The following CSMD1 variants were observed in gnomAD, a reference collection of about 807,000 sequenced individuals.
CSMD1 encodes CUB and sushi domain-containing protein 1.
In CSMD1, 213 loss-of-function variants were observed where a neutral mutation model predicts 417.5. That is an observed-to-expected ratio of 0.51 (90% CI 0.46 to 0.57). CSMD1 has a LOEUF of 0.57. CSMD1 is among the 20% of genes least tolerant of loss of function. CSMD1 has a pLI of 0.00. For synonymous variants in CSMD1, 2,862 were observed against 1,736.8 expected (o/e 1.65, Z -16.11); for missense variants, 6,923 against 4,529.7 (o/e 1.53, Z -15.17).
chr8:3,837,203 A>T (rs1047324277), intron 5 of CSMD1, among the ~76,000 whole-genome samples: 4 of 152,146 alleles, frequency 2.6e-5, no homozygotes, highest in African/African-American at 9.7e-5. Flanking sequence ...CAAAGAAAAC[A>T]TTGGCCAATT....
chr8:3,260,018 A>C (rs373696953), intron 26 of CSMD1, among the ~76,000 whole-genome samples: 3 of 151,994 alleles, frequency 2.0e-5, no homozygotes, highest in Non-Finnish European at 4.4e-5. Context: ...CTACTCTCTG[A>C]CTCTTCAGGG....
At chr8:4,067,331 A>G (rs999953243) in intron 3 of CSMD1, among the ~76,000 whole-genome samples, 10 of 152,230 alleles carry the variant, frequency 6.6e-5, no homozygotes, top group African/African-American at 2.4e-4. Context: ...AACGTTTTCA[A>G]GTAAGGTATA....
chr8:4,068,920 T>C (rs569534167), intron 3 of CSMD1, among the ~76,000 whole-genome samples: 2 of 152,336 alleles, frequency 1.3e-5, no homozygotes, highest in African/African-American at 4.8e-5. Flanking sequence ...ATAATAATTA[T>C]AATTTTGTGG....
chr8:3,177,161 G>C (rs1258421604), intron 37 of CSMD1, among the ~76,000 whole-genome samples: 2 of 152,130 alleles, frequency 1.3e-5, no homozygotes, highest in Non-Finnish European at 2.9e-5. Context: ...ATGGGGAAAG[G>C]CGACCAGAAA....
intron 11 of CSMD1, among the ~76,000 whole-genome samples, chr8:3,476,549 G>A (rs1003219750): frequency 3.2e-4 from 49 of 152,130 alleles, no homozygotes; most frequent in African/African-American, 1.0e-3. Context: ...TGGCTTTTCC[G>A]CTTGCAATCT....
At chr8:3,192,596 G>A (rs1465275460) in intron 33 of CSMD1, among the ~76,000 whole-genome samples, 4 of 152,202 alleles carry the variant, frequency 2.6e-5, no homozygotes, top group Non-Finnish European at 4.4e-5. Flanking sequence ...AGAGAGGCAC[G>A]AGAAGCAGCA....
chr8:3,542,879 G>A (rs542658200), intron 10 of CSMD1, among the ~76,000 whole-genome samples: 5 of 152,268 alleles, frequency 3.3e-5, no homozygotes, highest in East Asian at 1.9e-4. Flanking sequence ...CCTCAGCTAC[G>A]GTGCAAGTGG....
chr8:3,716,722 C>T (rs1801862491), intron 6 of CSMD1, among the ~76,000 whole-genome samples: 1 of 152,134 alleles, frequency 6.6e-6, no homozygotes, highest in Non-Finnish European at 1.5e-5. Context: ...TTACTTTCTC[C>T]AGCCCCTATT....
intron 1 of CSMD1, among the ~76,000 whole-genome samples, chr8:4,958,159 A>G (rs1433376303): frequency 6.6e-6 from 1 of 152,148 alleles, no homozygotes; most frequent in Non-Finnish European, 1.5e-5. Context: ...CTCAAACAAA[A>G]TGTTGTTTCG....
At chr8:4,370,961 C>A (rs114211515) in intron 3 of CSMD1, among the ~76,000 whole-genome samples, 3 of 152,148 alleles carry the variant, frequency 2.0e-5, no homozygotes, top group Non-Finnish European at 4.4e-5. Context: ...CCATTGCTGG[C>A]GAGCTAGTGT....
At chr8:4,669,428 T>C (rs1805153990) in intron 1 of CSMD1, among the ~76,000 whole-genome samples, 1 of 152,226 alleles carries the variant, frequency 6.6e-6, no homozygotes, top group African/African-American at 2.4e-5. Flanking sequence ...GTTGTAGTTT[T>C]GTTTTTCTAG....
intron 8 of CSMD1, among the ~76,000 whole-genome samples, chr8:3,590,541 G>A (rs942409628): frequency 1.2e-4 from 19 of 152,096 alleles, no homozygotes; most frequent in Non-Finnish European, 2.2e-4. Context: ...AAATCTCTGC[G>A]CACATTCATA....
At chr8:3,558,834 G>A (rs1391404809) in intron 10 of CSMD1, among the ~76,000 whole-genome samples, 1 of 149,688 alleles carries the variant, frequency 6.7e-6, no homozygotes, top group Non-Finnish European at 1.5e-5. Context: ...CTCCTCCAAT[G>A]ATGAATGGTG....
intron 2 of CSMD1, among the ~76,000 whole-genome samples, chr8:4,542,422 A>T (rs1207513095): frequency 6.6e-6 from 1 of 152,226 alleles, no homozygotes; most frequent in East Asian, 1.9e-4. Flanking sequence ...CTCACTAGAC[A>T]CTGACGTTTT....
chr8:3,813,637 T>C (rs1380369272), intron 5 of CSMD1, among the ~76,000 whole-genome samples: 2 of 152,190 alleles, frequency 1.3e-5, no homozygotes, highest in African/African-American at 4.8e-5. Flanking sequence ...ATAATGAACA[T>C]ATTATGTTAA....
intron 6 of CSMD1, among the ~76,000 whole-genome samples, chr8:3,727,290 G>T (rs955710195): frequency 6.6e-6 from 1 of 152,144 alleles, no homozygotes; most frequent in African/African-American, 2.4e-5. Flanking sequence ...TACCTTTGAG[G>T]CAGTCAGCTC....
At chr8:3,900,275 G>A (rs2975337) in intron 5 of CSMD1, among the ~76,000 whole-genome samples, 129,080 of 150,744 alleles carry the variant, frequency 0.86, 55,455 homozygotes, top group East Asian at 0.95. Context: ...GCACAGCTGC[G>A]TGACAGTGCA....
At chr8:3,262,406 C>T (rs967926875) in intron 26 of CSMD1, among the ~76,000 whole-genome samples, 1 of 151,182 alleles carries the variant, frequency 6.6e-6, no homozygotes, top group Non-Finnish European at 1.5e-5. Context: ...TTTTCAGCAT[C>T]ACCCATTGCT....
chr8:4,496,333 G>A (rs778835849), intron 2 of CSMD1, among the ~76,000 whole-genome samples: 2 of 152,182 alleles, frequency 1.3e-5, no homozygotes, highest in Non-Finnish European at 2.9e-5. Flanking sequence ...CTTAGGTTCT[G>A]CTCAGACTGC....
Sources: gnomAD v4.1 joint callset for allele counts (sites outside exome capture counted in the v4.1 genomes callset) on GRCh38, gnomAD v4.1.1 for gene constraint, MANE v1.5 for transcripts, NCBI Gene and HGNC (gene_info 2026-07-23, HGNC 2026-07-21) for gene names.